Variants in NHEJ1 observed in about 807,000 individuals in gnomAD.
NHEJ1 encodes non-homologous end-joining factor 1.
NHEJ1 carries 22 observed loss-of-function variants against 39.4 expected under a neutral mutation model. The ratio of observed to expected loss-of-function variants is 0.56; its 90% CI spans 0.40 to 0.80. The LOEUF (loss-of-function observed/expected upper bound fraction) is 0.80. Ranked by LOEUF, NHEJ1 falls within the 30% of genes least tolerant of loss-of-function variation. The probability of loss-of-function intolerance (pLI) is 0.00; values close to 1 mark genes in which losing one functional copy is unlikely to be tolerated. For missense variants in NHEJ1, 329 were observed against 357.1 expected (o/e 0.92, Z 0.63); for synonymous variants, 154 against 135.6 (o/e 1.14, Z -0.94).
At chr2:219,115,786 T>C (rs1249219847) in intron 5 of NHEJ1, among the ~76,000 whole-genome samples, 1 of 152,160 alleles carries the variant, frequency 6.6e-6, no homozygotes, top group Non-Finnish European at 1.5e-5. Flanking sequence ...TTTGCAATTA[T>C]GACATACAGA....
intron 5 of NHEJ1, among the ~76,000 whole-genome samples, chr2:219,125,974 T>A (rs1949511126): frequency 6.6e-6 from 1 of 152,242 alleles, no homozygotes; most frequent in African/African-American, 2.4e-5. Context: ...AAGGAAAATA[T>A]TTTGGCAGCT....
intron 5 of NHEJ1, chr2:219,125,737 G>A (rs1165106089): frequency 6.6e-6 from 1 of 152,374 alleles, no homozygotes. Context: ...TTTTAACTTG[G>A]CCTTGTGGCC....
chr2:219,119,517 A>G (rs1443580473), intron 5 of NHEJ1, among the ~76,000 whole-genome samples: 1 of 151,882 alleles, frequency 6.6e-6, no homozygotes, highest in Non-Finnish European at 1.5e-5. Context: ...AGGGTAACCA[A>G]TCCCCCACTC....
At chr2:219,118,275 T>C (rs1949434517) in intron 5 of NHEJ1, among the ~76,000 whole-genome samples, 1 of 152,172 alleles carries the variant, frequency 6.6e-6, no homozygotes, top group Non-Finnish European at 1.5e-5. Context: ...CCCAATGGAT[T>C]TCATTCTTTT....
At position 219,111,628 on chromosome 2, in the gene NHEJ1, G is replaced by GACACACAC. The variant is rs368706049; in HGVS notation, c.589-33430_589-33423dup. Among the ~76,000 whole-genome samples, 7,613 of 138,200 alleles carry GACACACAC rather than the reference G, an allele frequency of 0.055. 289 individuals are homozygous for GACACACAC. Among genetic ancestry groups the GACACACAC allele is most frequent in the African/African-American group, 0.096 (3,450 of 36,050 alleles). The allele number at this position is 138,200 out of a possible 152,430, so 90.7% of individuals were successfully genotyped here. On this transcript the variant is annotated intron_variant, in intron 5 of 7. Coordinates refer to ENST00000356853, the MANE Select transcript of NHEJ1 (RefSeq NM_024782.3). The surrounding 1 kb of genome is among the most constrained non-coding windows in gnomAD (Gnocchi z 4.1). ...GAATTAAGTCTACAGTGTGAATACA[G>GACACACAC]ACACACACACACACACACACACACA... is the stretch of plus-strand genomic sequence containing the variant.
At chr2:219,080,693 A>ATATATATATGCTAATATATATGCT (rs1559186004) in intron 5 of NHEJ1, among the ~76,000 whole-genome samples, 6 of 92,126 alleles carry the variant, frequency 6.5e-5, no homozygotes, top group Non-Finnish European at 1.2e-4. Flanking sequence ...ATATATGCTT[A>ATATATATATGCTAATATATATGCT]TATATATATA....
At position 219,152,863 on chromosome 2, in the gene NHEJ1, C is replaced by T. The variant is rs573859651; in HGVS notation, c.390+4609G>A. On this transcript the variant is annotated intron_variant, in intron 3 of 7. Coordinates refer to ENST00000356853, the MANE Select transcript of NHEJ1 (RefSeq NM_024782.3). ...CTGTAGCCAGGCTGGAGTGCAATGG[C>T]GCAATCTCAGCTCACTGCAACCTCC... Among the ~76,000 whole-genome samples, 182 of 150,628 alleles carry T rather than the reference C, an allele frequency of 1.2e-3. 1 individual carries two copies. Among genetic ancestry groups the T allele is most frequent in the Non-Finnish European group, 8.7e-4 (59 of 67,632 alleles).
intron 5 of NHEJ1, chr2:219,124,872 G>T (rs1464701067): frequency 6.6e-6 from 1 of 152,084 alleles, no homozygotes. Flanking sequence ...TGATTACAGG[G>T]CCACTCCCCA....
At chr2:219,158,416 AG>A in intron 1 of NHEJ1, 54 bp from the exon 2 acceptor site, 2 of 1,558,744 alleles carry the variant, frequency 1.3e-6, no homozygotes. Flanking sequence ...TGGCCTAGGG[AG>A]GGCACCACCC....
intron 5 of NHEJ1, among the ~76,000 whole-genome samples, chr2:219,117,847 C>T (rs1028531706): frequency 1.2e-4 from 19 of 152,224 alleles, no homozygotes; most frequent in South Asian, 2.1e-4. Flanking sequence ...TGAAGATTAA[C>T]GATAAGATTT....
intron 3 of NHEJ1, among the ~76,000 whole-genome samples, chr2:219,156,054 C>T (rs1033255320): frequency 6.6e-6 from 1 of 151,982 alleles, no homozygotes; most frequent in Non-Finnish European, 1.5e-5. Flanking sequence ...TCGAGACCAT[C>T]CTGGCTAACA....
Position 219,081,916 on chromosome 2 carries a change from C to T in NHEJ1, c.589-3710G>A, listed in dbSNP as rs187187520. 3.4e-3 allele frequency among the ~76,000 whole-genome samples: 514 copies of T among 152,298 alleles called. 5 individuals carry two copies. Among genetic ancestry groups the T allele is most frequent in the Non-Finnish European group, 5.6e-3 (380 of 68,024 alleles). On this transcript the variant is annotated intron_variant, in intron 5 of 7. Transcript: ENST00000356853. ...TGGATGTGTCTCATGGGAAGCAAGA[C>T]TAGAAGGCTAAGTTCACATTCACTA... is the stretch of plus-strand genomic sequence containing the variant.
At chr2:219,130,340 G>A (rs1035043222) in intron 5 of NHEJ1, among the ~76,000 whole-genome samples, 2 of 152,008 alleles carry the variant, frequency 1.3e-5, no homozygotes, top group African/African-American at 4.8e-5. Context: ...CAGGAGAGAG[G>A]GGCTGTAATA....
At chr2:219,148,888 CTT>C (rs377061150) in intron 3 of NHEJ1, among the ~76,000 whole-genome samples, 5 of 146,028 alleles carry the variant, frequency 3.4e-5, no homozygotes, top group Non-Finnish European at 6.1e-5. Context: ...ACAACCCCCC[CTT>C]TTTTTTTTTT....
chr2:219,152,162 A>G (rs1403802594), intron 3 of NHEJ1, among the ~76,000 whole-genome samples: 2 of 152,184 alleles, frequency 1.3e-5, no homozygotes, highest in East Asian at 3.9e-4. Flanking sequence ...CTCTGACCCT[A>G]TGAGGCCTCT....
chr2:219,125,846 G>C (rs1472799382), intron 5 of NHEJ1, among the ~76,000 whole-genome samples: 1 of 152,234 alleles, frequency 6.6e-6, no homozygotes, highest in Non-Finnish European at 1.5e-5. Context: ...AAAGGTTCTA[G>C]CTCCTCTGCC....
chr2:219,124,163 G>A (rs148631826), intron 5 of NHEJ1, among the ~76,000 whole-genome samples: 15 of 152,234 alleles, frequency 9.9e-5, no homozygotes, highest in East Asian at 5.8e-4. Context: ...ACAACAGTCC[G>A]TCTCTGACTT....
intron 5 of NHEJ1, among the ~76,000 whole-genome samples, chr2:219,136,891 C>A (rs1949635671): frequency 6.6e-6 from 1 of 152,174 alleles, no homozygotes; most frequent in African/African-American, 2.4e-5. Context: ...ACCTGAGCCA[C>A]CGCACCTGGC....
intron 5 of NHEJ1, among the ~76,000 whole-genome samples, chr2:219,087,389 T>C (rs988472239): frequency 2.6e-5 from 4 of 151,934 alleles, no homozygotes; most frequent in Non-Finnish European, 5.9e-5. Context: ...CCTTTTTTTT[T>C]TCCCTGACTT....
Sources: allele counts gnomAD v4.1 joint callset (sites outside exome capture counted in the v4.1 genomes callset), GRCh38; gene constraint gnomAD v4.1.1; non-coding constraint Gnocchi (gnomAD v3.1); transcripts MANE v1.5; gene names NCBI Gene and HGNC (gene_info 2026-07-23, HGNC 2026-07-21).